The following EBF2 variants were observed in gnomAD, a reference collection of about 807,000 sequenced individuals.
EBF2 encodes the protein EBF transcription factor 2.
In EBF2, 21 loss-of-function variants were observed where a neutral mutation model predicts 72.8. The observed-to-expected ratio is 0.29, with a 90% CI of 0.20 to 0.42. The LOEUF (loss-of-function observed/expected upper bound fraction) is 0.42. EBF2 is among the 10% of genes least tolerant of loss of function. EBF2 has a pLI of 1.00. For missense variants in EBF2, 637 were observed against 731.2 expected, an observed-to-expected ratio of 0.87 and a Z score of 1.49; for synonymous variants, 299 against 274.2, an observed-to-expected ratio of 1.09 and a Z score of -0.89.
chr8:25,945,707 A>C (rs1363606589), intron 6 of EBF2, among the ~76,000 whole-genome samples: 1 of 151,894 alleles, frequency 6.6e-6, no homozygotes, highest in South Asian at 2.1e-4. Flanking sequence ...TAGGTCTGTC[A>C]CTGAAATTAT....
At chr8:25,953,596 C>T (rs1436211247) in intron 6 of EBF2, among the ~76,000 whole-genome samples, 1 of 152,118 alleles carries the variant, frequency 6.6e-6, no homozygotes, top group Non-Finnish European at 1.5e-5. Flanking sequence ...GCAGCTGATT[C>T]GGGATCTGAC....
intron 6 of EBF2, among the ~76,000 whole-genome samples, chr8:25,943,311 C>CAAAAGAAAAAAAAA (rs1803710087): frequency 3.4e-5 from 2 of 59,114 alleles, no homozygotes; most frequent in Non-Finnish European, 4.1e-5. Flanking sequence ...TGTCTCTACA[C>CAAAAGAAAAAAAAA]AAAAAAAAAA....
chr8:25,889,963 C>A, intron 7 of EBF2, 94 bp from the exon 8 acceptor site: 1 of 1,037,728 alleles, frequency 9.6e-7, no homozygotes, highest in South Asian at 1.3e-5. Context: ...TGCCACACTT[C>A]CATTTGGCAA....
In EBF2 at chr8:25,940,635, A is replaced by T. The variant is rs796910268; in HGVS notation, c.552-32080T>A. On this transcript the variant is annotated intron_variant, in intron 6 of 15. Transcript: ENST00000520164. ...AATGAAAAAATTAAAAAAAAAAATA[A>T]AAAAAAAACCACAAAACCAAGGCTT... 3.7e-3 allele frequency among the ~76,000 whole-genome samples: 566 copies of T among 151,794 alleles called. 5 individuals are homozygous for T. Among genetic ancestry groups the T allele is most frequent in the African/African-American group, 0.013 (529 of 41,306 alleles).
intron 10 of EBF2, among the ~76,000 whole-genome samples, chr8:25,867,546 T>G (rs960346599): frequency 3.9e-5 from 6 of 152,224 alleles, no homozygotes; most frequent in African/African-American, 1.4e-4. Flanking sequence ...GACTGTTCTT[T>G]CTCTGCCTGT....
chr8:25,862,841 AAAGCAAACCTTCTAATT>A, intron 10 of EBF2, 44 bp from the exon 11 acceptor site: 1 of 1,432,052 alleles, frequency 7.0e-7, no homozygotes, highest in Non-Finnish European at 9.5e-7. Context: ...TCCTGGCTAT[AAAGCAAACCTTCTAATT>A]AATTCTTCCA....
chr8:26,022,122 C>T (rs1186738754), intron 6 of EBF2, among the ~76,000 whole-genome samples: 1 of 152,186 alleles, frequency 6.6e-6, no homozygotes, highest in Non-Finnish European at 1.5e-5. Context: ...GTAATTCAGC[C>T]ACAATCTATT....
chr8:25,905,557 A>G (rs577552850), intron 7 of EBF2, among the ~76,000 whole-genome samples: 1 of 152,334 alleles, frequency 6.6e-6, no homozygotes, highest in South Asian at 2.1e-4. Flanking sequence ...CTTTAAAAAC[A>G]TTATGCTAAC....
chr8:26,003,213 T>C (rs1433738564), intron 6 of EBF2, among the ~76,000 whole-genome samples: 1 of 152,114 alleles, frequency 6.6e-6, no homozygotes, highest in Non-Finnish European at 1.5e-5. Context: ...ACTAATTATG[T>C]ATTGGGAACT....
At chr8:25,999,625 T>A (rs2117218471) in intron 6 of EBF2, among the ~76,000 whole-genome samples, 1 of 149,684 alleles carries the variant, frequency 6.7e-6, no homozygotes, top group Admixed American at 6.9e-5. Context: ...TTACTCTGGA[T>A]CTTGTCTTTC....
intron 6 of EBF2, among the ~76,000 whole-genome samples, chr8:25,988,953 A>G (rs1029613968): frequency 1.3e-5 from 2 of 152,264 alleles, no homozygotes; most frequent in Non-Finnish European, 2.9e-5. Flanking sequence ...AACTAGCAAC[A>G]TTGTATCATC....
intron 6 of EBF2, among the ~76,000 whole-genome samples, chr8:25,911,911 C>T (rs989206865): frequency 2.6e-5 from 4 of 152,252 alleles, no homozygotes; most frequent in South Asian, 2.1e-4. Context: ...CCAGAGTGGG[C>T]GGTGCCCTGA....
intron 6 of EBF2, among the ~76,000 whole-genome samples, chr8:25,973,914 G>A (rs767499750): frequency 2.0e-5 from 3 of 152,098 alleles, no homozygotes; most frequent in African/African-American, 4.8e-5. Flanking sequence ...CTGGGAGCAA[G>A]CAATTCACCC....
intron 6 of EBF2, among the ~76,000 whole-genome samples, chr8:26,008,730 C>T (rs1804924428): frequency 1.2e-5 from 1 of 81,468 alleles, no homozygotes; most frequent in Non-Finnish European, 2.7e-5. Flanking sequence ...CCTTTGTTTC[C>T]TTAGAAACCA....
At chr8:26,038,823 C>A (rs1805550403) in intron 5 of EBF2, among the ~76,000 whole-genome samples, 1 of 152,162 alleles carries the variant, frequency 6.6e-6, no homozygotes, top group Non-Finnish European at 1.5e-5. Context: ...AAAACCAAAA[C>A]AAACATGTCT....
At chr8:25,993,109 A>T (rs1804571710) in intron 6 of EBF2, among the ~76,000 whole-genome samples, 1 of 151,568 alleles carries the variant, frequency 6.6e-6, no homozygotes, top group East Asian at 1.9e-4. Flanking sequence ...TGGAAAATCC[A>T]CTCCCCTGAA....
chr8:26,032,469 G>A (rs1805424679), intron 6 of EBF2: 1 of 141,750 alleles, frequency 7.1e-6, no homozygotes, highest in African/African-American at 2.7e-5. Flanking sequence ...AAGTTAATTT[G>A]GTATTTCTTC....
At chr8:25,846,699 A>G (rs1315933104) in intron 15 of EBF2, among the ~76,000 whole-genome samples, 1 of 152,124 alleles carries the variant, frequency 6.6e-6, no homozygotes, top group Non-Finnish European at 1.5e-5. Flanking sequence ...AAAAAGAAAA[A>G]TCTTCAGTCC....
chr8:25,940,193 T>C (rs1803646271), intron 6 of EBF2, among the ~76,000 whole-genome samples: 1 of 152,222 alleles, frequency 6.6e-6, no homozygotes, highest in Admixed American at 6.5e-5. Flanking sequence ...TACATTCTAC[T>C]AAAGCTAGTG....
Sources: gnomAD v4.1 joint callset for allele counts (sites outside exome capture counted in the v4.1 genomes callset) on GRCh38, gnomAD v4.1.1 for gene constraint, MANE v1.5 for transcripts, NCBI Gene and HGNC (gene_info 2026-07-23, HGNC 2026-07-21) for gene names.